Variants in SAMTOR observed in about 807,000 individuals in gnomAD.
The protein encoded by SAMTOR is S-adenosylmethionine sensor upstream of mTORC1.
At chr7:112,922,334 G>C in the SAMTOR span, among the ~76,000 whole-genome samples, 75 of 152,272 alleles carry the variant, frequency 4.9e-4, no homozygotes, top group East Asian at 1.9e-3. Flanking sequence ...TGCCTGCCTT[G>C]GCCTCCCAAA....
the SAMTOR span, among the ~76,000 whole-genome samples, chr7:112,881,771 T>C: frequency 1.3e-5 from 2 of 152,164 alleles, no homozygotes; most frequent in Non-Finnish European, 2.9e-5. Flanking sequence ...TGTCACTCAA[T>C]AAAGCTCTTC....
chr7:112,835,460 T>C, the SAMTOR span, among the ~76,000 whole-genome samples: 1 of 152,126 alleles, frequency 6.6e-6, no homozygotes, highest in Non-Finnish European at 1.5e-5. Flanking sequence ...AGGTTTTAGA[T>C]ACTACCCTTA....
chr7:112,823,197 G>A, the SAMTOR span, among the ~76,000 whole-genome samples: 31 of 152,190 alleles, frequency 2.0e-4, no homozygotes, highest in South Asian at 1.9e-3. Flanking sequence ...AAAGTGATAT[G>A]CAATGTTCTA....
At chr7:112,895,946 T>C in the SAMTOR span, among the ~76,000 whole-genome samples, 1 of 152,238 alleles carries the variant, frequency 6.6e-6, no homozygotes, top group African/African-American at 2.4e-5. Flanking sequence ...TCACAAATTA[T>C]GTTTAGTAAA....
chr7:112,907,835 T>TTACG, the SAMTOR span, among the ~76,000 whole-genome samples: 1 of 123,882 alleles, frequency 8.1e-6, no homozygotes. Flanking sequence ...ATGGGTATTC[T>TTACG]TACTTACTTA....
chr7:112,837,052 T>G, the SAMTOR span, among the ~76,000 whole-genome samples: 3 of 152,156 alleles, frequency 2.0e-5, no homozygotes, highest in Non-Finnish European at 4.4e-5. Flanking sequence ...ATTTCAACAA[T>G]AATGATTCTT....
chr7:112,915,461 G>T, the SAMTOR span: 1 of 1,566,174 alleles, frequency 6.4e-7, no homozygotes, highest in Non-Finnish European at 8.7e-7. Flanking sequence ...AAAACAAAGT[G>T]ATAAATGAAT....
At chr7:112,922,846 C>T in the SAMTOR span, among the ~76,000 whole-genome samples, 79 of 150,616 alleles carry the variant, frequency 5.2e-4, no homozygotes, top group African/African-American at 1.6e-3. Context: ...GTCAGACCCC[C>T]GCCCGGCCAG....
At chr7:112,855,829 C>T in the SAMTOR span, among the ~76,000 whole-genome samples, 1 of 151,846 alleles carries the variant, frequency 6.6e-6, no homozygotes, top group Non-Finnish European at 1.5e-5. Flanking sequence ...TAGCATTTGA[C>T]TGAATTAACA....
the SAMTOR span, among the ~76,000 whole-genome samples, chr7:112,897,619 C>G: frequency 6.6e-6 from 1 of 152,006 alleles, no homozygotes; most frequent in African/African-American, 2.4e-5. Flanking sequence ...CCATTTATAC[C>G]TATGGCATAA....
the SAMTOR span, among the ~76,000 whole-genome samples, chr7:112,824,985 C>T: frequency 2.0e-5 from 3 of 152,070 alleles, no homozygotes; most frequent in African/African-American, 7.2e-5. Context: ...GTAAGTTTTT[C>T]AATTTCTACA....
At chr7:112,881,446 T>C in the SAMTOR span, among the ~76,000 whole-genome samples, 2 of 152,030 alleles carry the variant, frequency 1.3e-5, no homozygotes, top group Non-Finnish European at 2.9e-5. Flanking sequence ...GGCCTGCCAA[T>C]GGCCCAGTCA....
At chr7:112,879,749 T>C in the SAMTOR span, among the ~76,000 whole-genome samples, 5 of 152,170 alleles carry the variant, frequency 3.3e-5, no homozygotes, top group Admixed American at 3.3e-4. Context: ...GCTCAACCTG[T>C]AGAACATACA....
chr7:112,842,351 G>A, the SAMTOR span, among the ~76,000 whole-genome samples: 13 of 151,932 alleles, frequency 8.6e-5, no homozygotes, highest in Admixed American at 7.9e-4. Context: ...AATTGAGAAA[G>A]CAGCTGTTTG....
the SAMTOR span, among the ~76,000 whole-genome samples, chr7:112,931,942 T>G: frequency 6.6e-6 from 1 of 151,920 alleles, no homozygotes; most frequent in African/African-American, 2.4e-5. Flanking sequence ...TTTTCTTTTT[T>G]CGGGATGGAG....
chr7:112,919,401 G>A, the SAMTOR span, among the ~76,000 whole-genome samples: 4 of 151,986 alleles, frequency 2.6e-5, no homozygotes, highest in African/African-American at 9.7e-5. Flanking sequence ...TGAAACCAAC[G>A]AGAACAAAGA....
At chr7:112,825,382 T>C in the SAMTOR span, among the ~76,000 whole-genome samples, 1 of 152,190 alleles carries the variant, frequency 6.6e-6, no homozygotes, top group African/African-American at 2.4e-5. Flanking sequence ...ATTTTTCTAC[T>C]TTTGTCAGAT....
the SAMTOR span, among the ~76,000 whole-genome samples, chr7:112,828,457 G>A: frequency 3.3e-5 from 5 of 152,086 alleles, no homozygotes; most frequent in African/African-American, 1.2e-4. Context: ...CTGTGTGCTT[G>A]TTTCTGAGTT....
At chr7:112,855,805 G>C in the SAMTOR span, among the ~76,000 whole-genome samples, 1 of 151,602 alleles carries the variant, frequency 6.6e-6, no homozygotes. Flanking sequence ...AAATCATTTC[G>C]GCAGTACCTA....
Sources: allele counts gnomAD v4.1 joint callset (sites outside exome capture counted in the v4.1 genomes callset), GRCh38; gene constraint gnomAD v4.1.1; transcripts MANE v1.5; gene names NCBI Gene and HGNC (gene_info 2026-07-23, HGNC 2026-07-21).